Variants in MYO3B observed in about 807,000 individuals in gnomAD.
MYO3B encodes myosin IIIB.
Under a neutral mutation model 174.6 loss-of-function variants are expected in MYO3B, and 156 were observed. That is an observed-to-expected ratio of 0.89 (90% CI 0.78 to 1.02). MYO3B has a LOEUF of 1.02. Among genes scored for constraint, MYO3B ranks in the 50% least tolerant of loss-of-function variants. The probability of loss-of-function intolerance (pLI) is 0.00; values close to 1 mark genes in which losing one functional copy is unlikely to be tolerated. For missense variants in MYO3B, 1,632 were observed against 1,639.4 expected, an observed-to-expected ratio of 1.00 and a Z score of 0.08; for synonymous variants, 563 against 569.1, an observed-to-expected ratio of 0.99 and a Z score of 0.15.
intron 7 of MYO3B, among the ~76,000 whole-genome samples, chr2:170,240,714 T>C (rs894864505): frequency 4.6e-5 from 7 of 152,184 alleles, no homozygotes; most frequent in Non-Finnish European, 1.0e-4. Context: ...AATTTTAAGC[T>C]GACATTATCA....
Position 170,236,105 on chromosome 2 carries a change from C to T in MYO3B, c.718C>T (p.His240Tyr), listed in dbSNP as rs1049530925. The change falls in exon 7 of 35, where the codon CAT (histidine) becomes TAT (tyrosine). Residue 240 changes from histidine (H) to tyrosine (Y), a missense_variant. Physicochemically the swap from His to Tyr is moderately conservative, Grantham distance 83 (BLOSUM62 2). Transcript: ENST00000408978. The part of the protein sequence containing the change: ...GDGDPPLFDM[H>Y]PVKTLFKIPR... ...TGGAGACCCTCCCCTCTTTGACATG[C>T]ATCCTGTGAAAACACTCTTTAAGAT... 3.7e-6 allele frequency: 6 copies of T among 1,614,044 alleles called. No homozygotes were observed. Among genetic ancestry groups the T allele is most frequent in the South Asian group, 1.1e-5 (1 of 91,062 alleles).
chr2:170,252,056 G>T (rs2093259086), intron 7 of MYO3B, among the ~76,000 whole-genome samples: 1 of 152,188 alleles, frequency 6.6e-6, no homozygotes, highest in South Asian at 2.1e-4. Context: ...GATCTGCCTT[G>T]ATCTGGCATA....
At chr2:170,565,181 A>G (rs1691983936) in intron 32 of MYO3B, among the ~76,000 whole-genome samples, 1 of 152,214 alleles carries the variant, frequency 6.6e-6, no homozygotes, top group Non-Finnish European at 1.5e-5. Flanking sequence ...AAGATAGTAC[A>G]TGGGCTGTCA....
At chr2:170,524,719 T>C (rs1353973084) in intron 30 of MYO3B, 2 of 314,156 alleles carry the variant, frequency 6.4e-6, no homozygotes, top group Non-Finnish European at 1.2e-5. Flanking sequence ...CCTGACGTTC[T>C]AGCGATTCGT....
At chr2:170,453,445 C>CG (rs1254472160) in intron 23 of MYO3B, among the ~76,000 whole-genome samples, 131 of 137,342 alleles carry the variant, frequency 9.5e-4, no homozygotes, top group African/African-American at 3.5e-3. Context: ...CACACACACA[C>CG]ACACACACGA....
At chr2:170,523,167 G>T (rs900241748) in intron 30 of MYO3B, among the ~76,000 whole-genome samples, 5 of 152,150 alleles carry the variant, frequency 3.3e-5, no homozygotes, top group African/African-American at 1.2e-4. Context: ...CAACAGTGAG[G>T]ACTGAGTCTT....
At chr2:170,234,188 C>CAAAAA (rs2093045465) in intron 6 of MYO3B, among the ~76,000 whole-genome samples, 1 of 19,258 alleles carries the variant, frequency 5.2e-5, no homozygotes, top group African/African-American at 2.6e-4. Flanking sequence ...AAAAAAAAAA[C>CAAAAA]AAAACAAAAC....
At chr2:170,224,908 T>C (rs1271205910) in intron 6 of MYO3B, among the ~76,000 whole-genome samples, 3 of 152,216 alleles carry the variant, frequency 2.0e-5, no homozygotes, top group Admixed American at 1.3e-4. Context: ...CGCAAGCTTT[T>C]TGCAGCCACT....
chr2:170,199,248 C>T lies in MYO3B; in HGVS notation c.43C>T (p.Leu15Phe). 6.2e-7 allele frequency: 1 copy of T among 1,613,336 alleles called. No homozygotes were observed. Among genetic ancestry groups the T allele is most frequent in the African/African-American group, 1.3e-5 (1 of 75,000 alleles). Residue 15 changes from leucine (L) to phenylalanine (F), a missense_variant, in exon 2 of 35, where the codon CTT (leucine) becomes TTT (phenylalanine). Transcript: ENST00000408978. Reference sequence around the variant, plus strand: ...ATTATTTCACTATAATCCTATGATGCTTGGACTTGAATCACTTCCAGATCC... The same window carrying T: ...ATTATTTCACTATAATCCTATGATGTTTGGACTTGAATCACTTCCAGATCC... ...YGLFHYNPMM[L>F]GLESLPDPTD...
At chr2:170,278,557 T>C (rs1005852850) in intron 7 of MYO3B, among the ~76,000 whole-genome samples, 5 of 152,164 alleles carry the variant, frequency 3.3e-5, no homozygotes, top group African/African-American at 1.2e-4. Flanking sequence ...AGTGATCAAG[T>C]CAAGGTATTT....
At chr2:170,332,968 C>G (rs558984492) in intron 7 of MYO3B, among the ~76,000 whole-genome samples, 1 of 152,270 alleles carries the variant, frequency 6.6e-6, no homozygotes, top group Admixed American at 6.5e-5. Context: ...GTTGAGCCTA[C>G]TAGTGTCATT....
At chr2:170,608,900 T>C (rs540676309) in intron 32 of MYO3B, among the ~76,000 whole-genome samples, 2 of 152,354 alleles carry the variant, frequency 1.3e-5, no homozygotes, top group East Asian at 3.9e-4. Context: ...AGCTATGTCG[T>C]ACATAGGCCC....
At chr2:170,631,844 C>T (rs1697013453) in intron 32 of MYO3B, among the ~76,000 whole-genome samples, 1 of 152,216 alleles carries the variant, frequency 6.6e-6, no homozygotes, top group East Asian at 1.9e-4. Flanking sequence ...GCAGGGGTTG[C>T]AATGCTACTC....
chr2:170,222,431 A>C (rs567610975), intron 6 of MYO3B, among the ~76,000 whole-genome samples: 5 of 152,324 alleles, frequency 3.3e-5, no homozygotes, highest in African/African-American at 1.2e-4. Flanking sequence ...TAGAAATCTG[A>C]AACCAAGATG....
intron 9 of MYO3B, among the ~76,000 whole-genome samples, chr2:170,375,231 T>TAAGGAA (rs1245015016): frequency 1.3e-5 from 2 of 152,208 alleles, no homozygotes; most frequent in African/African-American, 4.8e-5. Flanking sequence ...ATCTCACTGT[T>TAAGGAA]AAAGTTCAGA....
chr2:170,498,622 A>G lies in MYO3B; in HGVS notation c.3045A>G (p.Gln1015=), dbSNP rs1559058415. ...ATTACTTGGCATTCACAGCACATCA[A>G]ACACCTCTTGCTAGCAAAGAGAGCT... ...RYYYLAFTAH[Q]TPLASKESCV... The change falls in exon 26 of 35, where the codon CAA becomes CAG. Residue 1015 remains glutamine (Q), a synonymous_variant. Transcript: ENST00000408978. The G allele has an allele frequency of 1.9e-6, 3 of 1,614,086 alleles. No homozygotes were observed. Among genetic ancestry groups the G allele is most frequent in the Admixed American group, 1.7e-5 (1 of 60,004 alleles).
At chr2:170,652,003 CT>C in intron 33 of MYO3B, 104 bp from the exon 34 acceptor site, 1 of 1,238,350 alleles carries the variant, frequency 8.1e-7, no homozygotes, top group Non-Finnish European at 1.2e-6. Flanking sequence ...GCTGTGACTT[CT>C]GATATTATCA....
At chr2:170,351,208 A>T in intron 8 of MYO3B, 1 of 152,184 alleles carries the variant, frequency 6.6e-6, no homozygotes, top group Non-Finnish European at 1.5e-5. Context: ...TCCTGTGAGT[A>T]AAAAGACTAA....
At position 170,646,729 on chromosome 2, in the gene MYO3B, G is replaced by T. The variant is rs115565715; in HGVS notation, c.3734-4899G>T. The stretch of plus-strand genomic sequence containing the variant: ...TTATTGCCAAGTTGCACTTCAGGAG[G>T]CAGGGAACCTGTGGATTGTCCTGTT... On this transcript the variant is annotated intron_variant, in intron 32 of 34. Coordinates refer to ENST00000408978, the MANE Select transcript of MYO3B (RefSeq NM_138995.5). 5.8e-3 allele frequency among the ~76,000 whole-genome samples: 888 copies of T among 152,254 alleles called. 10 individuals are homozygous for T. Among genetic ancestry groups the T allele is most frequent in the African/African-American group, 0.02 (843 of 41,566 alleles).
Sources: allele counts gnomAD v4.1 joint callset (sites outside exome capture counted in the v4.1 genomes callset), GRCh38; gene constraint gnomAD v4.1.1; transcripts MANE v1.5; gene names NCBI Gene and HGNC (gene_info 2026-07-23, HGNC 2026-07-21).